The following VPS41 variants were observed in gnomAD, a reference collection of about 807,000 sequenced individuals.
The protein encoded by VPS41 is vacuolar protein sorting-associated protein 41 homolog.
In VPS41, 85 loss-of-function variants were observed where a neutral mutation model predicts 130.9. The observed-to-expected ratio is 0.65, with a 90% CI of 0.55 to 0.78. The LOEUF (loss-of-function observed/expected upper bound fraction) is 0.78. Ranked by LOEUF, VPS41 falls within the 30% of genes least tolerant of loss-of-function variation. The pLI is 0.00. For synonymous variants in VPS41, 335 were observed against 332.9 expected (o/e 1.01, Z -0.07); for missense variants, 874 against 1,018.7 (o/e 0.86, Z 1.93).
At chr7:38,896,126 T>C (rs1181992500) in intron 2 of VPS41, among the ~76,000 whole-genome samples, 2 of 152,220 alleles carry the variant, frequency 1.3e-5, no homozygotes, top group Non-Finnish European at 2.9e-5. Context: ...CTGTTTAGTA[T>C]TTGGAGCATG....
chr7:38,865,806 G>A (rs1055518839), intron 3 of VPS41, among the ~76,000 whole-genome samples: 2 of 152,134 alleles, frequency 1.3e-5, no homozygotes, highest in African/African-American at 4.8e-5. Flanking sequence ...GGTTGGAAAG[G>A]TCAGCTAATA....
At chr7:38,883,387 C>T (rs1287639563) in intron 2 of VPS41, among the ~76,000 whole-genome samples, 1 of 152,170 alleles carries the variant, frequency 6.6e-6, no homozygotes, top group Non-Finnish European at 1.5e-5. Flanking sequence ...TCCAGCATGA[C>T]CCTACCTCTG....
At chr7:38,765,494 G>T in intron 16 of VPS41, 86 bp downstream of exon 16, 1 of 881,098 alleles carries the variant, frequency 1.1e-6, no homozygotes, top group Admixed American at 2.9e-5. Flanking sequence ...TCCTAAAAAA[G>T]AGCTGAGTAC....
chr7:38,787,558 C>G (rs1784462259), intron 10 of VPS41, among the ~76,000 whole-genome samples: 1 of 152,086 alleles, frequency 6.6e-6, no homozygotes, highest in Admixed American at 6.5e-5. Flanking sequence ...CAGAATAAAT[C>G]AACAGCCTAT....
Position 38,726,126 on chromosome 7 carries a change from T to C in VPS41, c.*120A>G, listed in dbSNP as rs1795535444. ...ACAGGAATAGATGAAGAAATTGTTT[T>C]TGAGTATAATATAAACATAAACAAA... On this transcript the variant is annotated 3_prime_UTR_variant, in exon 29 of 29. Coordinates refer to ENST00000310301, the MANE Select transcript of VPS41 (RefSeq NM_014396.4). 2.9e-6 allele frequency: 2 copies of C among 681,486 alleles called. No individual in the cohort carries two copies. 42.2% of individuals were successfully genotyped at this position (681,486 alleles called of 1,614,324 possible).
At position 38,758,338 on chromosome 7, in the gene VPS41, A is replaced by C. The variant is rs1562574718; in HGVS notation, c.1550+16T>G. On this transcript the variant is annotated intron_variant, in intron 18 of 28. Transcript: ENST00000310301. ...CACAGACTGATATGGAAAAAGAAAC[A>C]CTTAAGTATACTCACAATTCTGCCA... 15 of 1,592,444 alleles carry C rather than the reference A, an allele frequency of 9.4e-6. No homozygotes were observed. The highest frequency in any genetic ancestry group is 1.3e-5 in the Non-Finnish European group (15 of 1,173,324).
intron 4 of VPS41, among the ~76,000 whole-genome samples, chr7:38,855,758 C>T (rs1358830640): frequency 3.9e-5 from 6 of 152,132 alleles, no homozygotes; most frequent in African/African-American, 1.2e-4. Context: ...TCTTTAGCTT[C>T]TAAACTTTGA....
intron 22 of VPS41, among the ~76,000 whole-genome samples, chr7:38,748,296 A>C (rs1796026911): frequency 6.6e-6 from 1 of 152,198 alleles, no homozygotes; most frequent in Non-Finnish European, 1.5e-5. Flanking sequence ...CTTGAGTAAA[A>C]AATGATGCAA....
At chr7:38,879,191 C>G in intron 2 of VPS41, among the ~76,000 whole-genome samples, 1 of 152,152 alleles carries the variant, frequency 6.6e-6, no homozygotes, top group Non-Finnish European at 1.5e-5. Flanking sequence ...AGTGGGGAGC[C>G]AGGGGCAACA....
At chr7:38,734,010 C>T (rs538686964) in intron 25 of VPS41, among the ~76,000 whole-genome samples, 138 of 152,166 alleles carry the variant, frequency 9.1e-4, no homozygotes, top group African/African-American at 3.1e-3. Context: ...CACTTGAGCC[C>T]GGGAGGTCAA....
chr7:38,843,491 G>A (rs931271651), intron 4 of VPS41, among the ~76,000 whole-genome samples: 7 of 151,338 alleles, frequency 4.6e-5, no homozygotes, highest in African/African-American at 1.7e-4. Context: ...GACCATCTTG[G>A]CTAACATGGT....
At chr7:38,770,425 G>A (rs190646189) in intron 14 of VPS41, among the ~76,000 whole-genome samples, 1 of 147,254 alleles carries the variant, frequency 6.8e-6, no homozygotes, top group African/African-American at 2.7e-5. Flanking sequence ...AATTTTGGCT[G>A]GATTTTTTTT....
chr7:38,757,587 G>C (rs1783824403), intron 18 of VPS41, among the ~76,000 whole-genome samples: 1 of 152,134 alleles, frequency 6.6e-6, no homozygotes, highest in Non-Finnish European at 1.5e-5. Flanking sequence ...TTTCAACTTA[G>C]AATGCCATAA....
At chr7:38,779,783 G>C (rs1428272429) in intron 10 of VPS41, among the ~76,000 whole-genome samples, 2 of 152,192 alleles carry the variant, frequency 1.3e-5, no homozygotes, top group East Asian at 1.9e-4. Flanking sequence ...TATAGATTTA[G>C]AGAAAGAAAT....
intron 25 of VPS41, among the ~76,000 whole-genome samples, chr7:38,740,265 T>C (rs1795855341): frequency 6.6e-6 from 1 of 152,160 alleles, no homozygotes; most frequent in Non-Finnish European, 1.5e-5. Context: ...CTGGCATGCC[T>C]GGGGTTGGTA....
chr7:38,806,689 C>T (rs1784845566), intron 7 of VPS41, among the ~76,000 whole-genome samples: 1 of 152,170 alleles, frequency 6.6e-6, no homozygotes, highest in Non-Finnish European at 1.5e-5. Context: ...TCCATGAATA[C>T]ATCTACATAC....
chr7:38,856,658 T>C (rs950998105), intron 4 of VPS41, among the ~76,000 whole-genome samples: 1 of 152,112 alleles, frequency 6.6e-6, no homozygotes, highest in African/African-American at 2.4e-5. Context: ...ACATGGCAAC[T>C]ATCCTCCAAG....
At chr7:38,745,735 G>C (rs1795973658) in intron 22 of VPS41, 122 bp from the exon 23 acceptor site, 1 of 779,880 alleles carries the variant, frequency 1.3e-6, no homozygotes, top group East Asian at 2.5e-5. Flanking sequence ...ATAAAACAAA[G>C]CAAACAAATA....
chr7:38,855,601 T>C (rs1201812176), intron 4 of VPS41, among the ~76,000 whole-genome samples: 2 of 152,082 alleles, frequency 1.3e-5, no homozygotes, highest in Admixed American at 1.3e-4. Flanking sequence ...AATAAGAATG[T>C]TTCGCTACAT....
Sources: gnomAD v4.1 joint callset for allele counts (sites outside exome capture counted in the v4.1 genomes callset) on GRCh38, gnomAD v4.1.1 for gene constraint, MANE v1.5 for transcripts, NCBI Gene and HGNC (gene_info 2026-07-23, HGNC 2026-07-21) for gene names.